Variants in GRID2 observed in about 807,000 individuals in gnomAD.
GRID2 encodes glutamate receptor ionotropic, delta-2.
GRID2 carries 33 observed loss-of-function variants against 114.8 expected under a neutral mutation model. The ratio of observed to expected loss-of-function variants is 0.29; its 90% CI spans 0.22 to 0.38. The LOEUF is 0.38. GRID2 is among the 10% of genes least tolerant of loss of function. GRID2 has a pLI of 1.00. For missense variants in GRID2, 1,184 were observed against 1,257.7 expected, an observed-to-expected ratio of 0.94 and a Z score of 0.89; for synonymous variants, 505 against 449.9, an observed-to-expected ratio of 1.12 and a Z score of -1.55.
intron 2 of GRID2, among the ~76,000 whole-genome samples, chr4:93,056,930 G>C (rs577923529): frequency 6.6e-6 from 1 of 152,058 alleles, no homozygotes; most frequent in South Asian, 2.1e-4. Flanking sequence ...TATCTGCCAC[G>C]AGGATCATTA....
intron 2 of GRID2, among the ~76,000 whole-genome samples, chr4:92,943,907 T>C (rs970352708): frequency 6.6e-6 from 1 of 152,136 alleles, no homozygotes; most frequent in Non-Finnish European, 1.5e-5. Context: ...CGGCTACTGG[T>C]GAACAGCAAA....
At chr4:93,309,968 T>G (rs955710735) in intron 8 of GRID2, among the ~76,000 whole-genome samples, 12 of 152,164 alleles carry the variant, frequency 7.9e-5, no homozygotes, top group Non-Finnish European at 1.5e-4. Flanking sequence ...GGTGTATATA[T>G]GCTTACTGCC....
At chr4:93,263,771 A>G (rs1750506788) in intron 8 of GRID2, among the ~76,000 whole-genome samples, 1 of 152,072 alleles carries the variant, frequency 6.6e-6, no homozygotes, top group South Asian at 2.1e-4. Context: ...CATGTCAGAA[A>G]TAACTACTTA....
At chr4:93,647,095 G>A (rs1722178641) in intron 14 of GRID2, among the ~76,000 whole-genome samples, 1 of 152,128 alleles carries the variant, frequency 6.6e-6, no homozygotes, top group Non-Finnish European at 1.5e-5. Flanking sequence ...TTCTGTGTTA[G>A]ATGAAGGACT....
intron 13 of GRID2, among the ~76,000 whole-genome samples, chr4:93,605,131 A>G (rs1740090215): frequency 6.6e-6 from 1 of 152,214 alleles, no homozygotes; most frequent in Admixed American, 6.5e-5. Context: ...GGCAAAAATC[A>G]TACTTTTCCA....
intron 2 of GRID2, among the ~76,000 whole-genome samples, chr4:92,616,003 C>A (rs1286179317): frequency 6.6e-6 from 1 of 151,562 alleles, no homozygotes; most frequent in Non-Finnish European, 1.5e-5. Flanking sequence ...TCTTTTAAAT[C>A]AGTTAAAGAA....
chr4:92,389,188 C>T (rs1209053382), intron 1 of GRID2, among the ~76,000 whole-genome samples: 1 of 63,380 alleles, frequency 1.6e-5, no homozygotes, highest in Non-Finnish European at 3.1e-5. Flanking sequence ...CCACAGTACT[C>T]TTTATGGCCA....
intron 5 of GRID2, among the ~76,000 whole-genome samples, chr4:93,216,174 C>A (rs1279701782): frequency 1.4e-5 from 2 of 138,566 alleles, no homozygotes; most frequent in East Asian, 4.2e-4. Flanking sequence ...TTAACATCAA[C>A]AATTCTAATA....
chr4:93,375,253 G>A (rs1405654247), intron 8 of GRID2, among the ~76,000 whole-genome samples: 2 of 130,298 alleles, frequency 1.5e-5, no homozygotes, highest in African/African-American at 6.1e-5. Context: ...TCACTCTATC[G>A]CCCAGGCTGA....
rs185004997 is a variant in GRID2, at chr4:93,324,214, T to A, written c.1246-71393T>A. On this transcript the variant is annotated intron_variant, in intron 8 of 15. Transcript: ENST00000282020. ...ATAAATAGCTCTTATTATTTTTATA[T>A]ACATCCCATCAATAACTAGTTTATT... Among the ~76,000 whole-genome samples the A allele has an allele frequency of 3.5e-3, 527 of 152,314 alleles. 1 individual carries two copies. The highest frequency in any genetic ancestry group is 0.012 in the African/African-American group (498 of 41,574).
At chr4:93,729,396 A>C (rs1730270670) in intron 14 of GRID2, among the ~76,000 whole-genome samples, 1 of 152,184 alleles carries the variant, frequency 6.6e-6, no homozygotes, top group South Asian at 2.1e-4. Flanking sequence ...CTGGATTTCC[A>C]GGTATTACTG....
At chr4:92,395,609 A>G (rs1730456418) in intron 1 of GRID2, among the ~76,000 whole-genome samples, 1 of 151,786 alleles carries the variant, frequency 6.6e-6, no homozygotes, top group South Asian at 2.1e-4. Flanking sequence ...TTGCCCCGAT[A>G]TATTTATTCT....
Position 92,547,077 on chromosome 4 carries a change from G to A in GRID2, c.89-43054G>A, listed in dbSNP as rs562111255. On this transcript the variant is annotated intron_variant, in intron 1 of 15. Coordinates refer to ENST00000282020, the MANE Select transcript of GRID2 (RefSeq NM_001510.4). Reference sequence around the variant, plus strand: ...TTTGAGAATTGCTCTTCCAAAAATAGGAGGGTTTCTGTAACTTTGAACCAG... The same window carrying A: ...TTTGAGAATTGCTCTTCCAAAAATAAGAGGGTTTCTGTAACTTTGAACCAG... Among the ~76,000 whole-genome samples the A allele has an allele frequency of 1.4e-4, 21 of 152,248 alleles. No homozygotes were observed. In the East Asian group the frequency reaches 3.9e-3, roughly 28 times the overall value.
intron 2 of GRID2, among the ~76,000 whole-genome samples, chr4:92,974,698 T>A (rs1578649457): frequency 6.9e-6 from 1 of 145,084 alleles, no homozygotes; most frequent in African/African-American, 2.6e-5. Context: ...GGTAGGGGGG[T>A]AGGGGAGGAA....
chr4:93,152,653 G>A (rs1736835544), intron 4 of GRID2, among the ~76,000 whole-genome samples: 2 of 152,052 alleles, frequency 1.3e-5, no homozygotes, highest in Admixed American at 1.3e-4. Context: ...ACCCTTCATT[G>A]TCATGAGCCG....
rs116293820 is a variant in GRID2, at chr4:93,496,490, C to T, written c.1997+5713C>T. ...ATCAAGATACAGAACTATTCCATCA[C>T]GGCAAAGATCTCTCTCATTCTACCC... is the stretch of plus-strand genomic sequence containing the variant. On this transcript the variant is annotated intron_variant, in intron 12 of 15. Coordinates refer to ENST00000282020, the MANE Select transcript of GRID2 (RefSeq NM_001510.4). Among the ~76,000 whole-genome samples, 622 of 151,888 alleles carry T rather than the reference C, an allele frequency of 4.1e-3. 4 individuals carry two copies. The highest frequency in any genetic ancestry group is 0.017 in the South Asian group (80 of 4,826).
At chr4:92,474,123 T>C (rs967929804) in intron 1 of GRID2, among the ~76,000 whole-genome samples, 6 of 152,024 alleles carry the variant, frequency 3.9e-5, no homozygotes, top group African/African-American at 4.8e-5. Context: ...CCAGGACTTA[T>C]TCATCTTATG....
intron 1 of GRID2, among the ~76,000 whole-genome samples, chr4:92,525,157 C>T (rs949963933): frequency 2.7e-5 from 4 of 150,814 alleles, no homozygotes; most frequent in Non-Finnish European, 4.4e-5. Flanking sequence ...CTGGTGGAAC[C>T]AATGAGATGG....
intron 8 of GRID2, among the ~76,000 whole-genome samples, chr4:93,299,914 C>T (rs536470658): frequency 1.3e-5 from 2 of 152,140 alleles, no homozygotes; most frequent in East Asian, 3.9e-4. Flanking sequence ...TGCAAATTTC[C>T]CTTGTTATCT....
Sources: gnomAD v4.1 joint callset for allele counts (sites outside exome capture counted in the v4.1 genomes callset) on GRCh38, gnomAD v4.1.1 for gene constraint, MANE v1.5 for transcripts, NCBI Gene and HGNC (gene_info 2026-07-23, HGNC 2026-07-21) for gene names.